The following PCLO variants were observed in gnomAD, a reference collection of about 807,000 sequenced individuals.
PCLO encodes piccolo presynaptic cytomatrix protein.
A neutral mutation model predicts 427.5 loss-of-function variants in PCLO; 82 were observed. That is an observed-to-expected ratio of 0.19 (90% CI 0.16 to 0.23). PCLO has a LOEUF of 0.23. PCLO is among the 10% of genes least tolerant of loss of function. The pLI is 1.00. For synonymous variants in PCLO, 2,357 were observed against 2,155.4 expected, an observed-to-expected ratio of 1.09 and a Z score of -2.59; for missense variants, 6,239 against 6,115.9, an observed-to-expected ratio of 1.02 and a Z score of -0.67.
At position 82,916,590 on chromosome 7, in the gene PCLO, C is replaced by T. The variant is rs919590129; in HGVS notation, c.11396G>A (p.Arg3799Gln). The T allele has an allele frequency of 3.7e-6, 6 of 1,613,540 alleles. No individual in the cohort carries two copies. Among genetic ancestry groups the T allele is most frequent in the Non-Finnish European group, 5.1e-6 (6 of 1,179,760 alleles). ...EEEKEIDAKL[R>Q]YLEMGINRRK... ...CCTGTTAATTCCCATTTCCAGGTAT[C>T]GTAGCTTAGCATCAATCTCCTTTTC... The change falls in exon 7 of 25, where the codon CGA becomes CAA. Residue 3799 changes from arginine (R) to glutamine (Q), a missense_variant. Around this residue, in one of 5 missense-constraint regions of PCLO, gnomAD observed 3 missense variants for 25.1 expected, o/e 0.12. Transcript: ENST00000333891.
intron 3 of PCLO, among the ~76,000 whole-genome samples, chr7:82,983,429 T>C (rs1796191909): frequency 6.6e-6 from 1 of 150,980 alleles, no homozygotes. Context: ...TTATAGCTAA[T>C]GTTTAATTTA....
chr7:82,830,002 T>C (rs1469571933), intron 16 of PCLO, among the ~76,000 whole-genome samples: 1 of 151,918 alleles, frequency 6.6e-6, no homozygotes, highest in East Asian at 1.9e-4. Context: ...CATAAAATCA[T>C]GTGAAATAAG....
intron 4 of PCLO, among the ~76,000 whole-genome samples, chr7:82,964,566 T>G (rs1795722800): frequency 6.6e-6 from 1 of 151,890 alleles, no homozygotes; most frequent in Non-Finnish European, 1.5e-5. Flanking sequence ...ATCATAGAGA[T>G]AGTCAAAGTA....
intron 3 of PCLO, among the ~76,000 whole-genome samples, chr7:83,046,050 G>A (rs1789096654): frequency 6.6e-6 from 1 of 152,008 alleles, no homozygotes; most frequent in South Asian, 2.1e-4. Flanking sequence ...TTCTTACAGT[G>A]TCTTCACATA....
intron 6 of PCLO, among the ~76,000 whole-genome samples, chr7:82,940,337 T>A (rs998416484): frequency 6.6e-6 from 1 of 152,184 alleles, no homozygotes; most frequent in African/African-American, 2.4e-5. Context: ...CATTTATTCA[T>A]GTCGAAAGGA....
intron 2 of PCLO, among the ~76,000 whole-genome samples, chr7:83,151,068 A>T (rs563648726): frequency 6.6e-6 from 1 of 152,254 alleles, no homozygotes; most frequent in Admixed American, 6.5e-5. Context: ...CTCTCTCTAG[A>T]GCTCTAACTT....
intron 10 of PCLO, among the ~76,000 whole-genome samples, chr7:82,876,356 C>T (rs1458552192): frequency 2.0e-5 from 3 of 151,558 alleles, no homozygotes; most frequent in African/African-American, 7.3e-5. Flanking sequence ...GGTATCTCAA[C>T]CAATCTACTG....
At chr7:82,992,126 T>C (rs1005519424) in intron 3 of PCLO, among the ~76,000 whole-genome samples, 1 of 152,116 alleles carries the variant, frequency 6.6e-6, no homozygotes, top group Non-Finnish European at 1.5e-5. Context: ...AGAAATTTCT[T>C]GTTGTTTCCA....
intron 3 of PCLO, among the ~76,000 whole-genome samples, chr7:83,097,616 C>T (rs891986594): frequency 1.6e-5 from 2 of 127,672 alleles, no homozygotes; most frequent in African/African-American, 5.8e-5. Context: ...TGTTTTTTCA[C>T]GTATCATGCT....
At chr7:82,840,825 T>C (rs1792348115) in intron 14 of PCLO, among the ~76,000 whole-genome samples, 1 of 152,016 alleles carries the variant, frequency 6.6e-6, no homozygotes, top group Admixed American at 6.6e-5. Context: ...ATTTCTTATT[T>C]AGTCTAAATT....
chr7:82,985,403 A>G (rs1408743582), intron 3 of PCLO, among the ~76,000 whole-genome samples: 1 of 152,090 alleles, frequency 6.6e-6, no homozygotes, highest in African/African-American at 2.4e-5. Flanking sequence ...ATTCTGTGAC[A>G]GGCACCTGGA....
At chr7:83,010,353 C>T (rs1788047923) in intron 3 of PCLO, among the ~76,000 whole-genome samples, 2 of 151,688 alleles carry the variant, frequency 1.3e-5, no homozygotes, top group Admixed American at 6.6e-5. Flanking sequence ...TCATTCTCAA[C>T]AAAACCCTTC....
chr7:82,987,881 GA>G lies in PCLO; in HGVS notation c.3301-21395del, dbSNP rs541476850. ...TAACACAGAACAAGAGTTAAAGGGG[GA>G]AAAATAAGTAAAATGAAGGTAAAAT... On this transcript the variant is annotated intron_variant, in intron 3 of 24. Transcript: ENST00000333891. Among the ~76,000 whole-genome samples, 207 of 152,038 alleles carry G rather than the reference GA, an allele frequency of 1.4e-3. 1 individual carries two copies. The highest frequency in any genetic ancestry group is 4.6e-3 in the African/African-American group (191 of 41,508).
intron 3 of PCLO, among the ~76,000 whole-genome samples, chr7:82,992,913 A>AT (rs1796410313): frequency 6.6e-6 from 1 of 152,112 alleles, no homozygotes; most frequent in Non-Finnish European, 1.5e-5. Flanking sequence ...CTGGTAATCA[A>AT]TGCATCCATA....
Position 82,951,898 on chromosome 7 carries a change from T to C in PCLO, c.9055A>G (p.Thr3019Ala). 6.2e-7 allele frequency: 1 copy of C among 1,613,714 alleles called. No individual in the cohort carries two copies. Among genetic ancestry groups the C allele is most frequent in the South Asian group, 1.1e-5 (1 of 91,076 alleles). ...GAAGTCAGATCTACTGCTGTGTCAG[T>C]TCCTTCAGAATAATCAAAAGCATTC... ...SKNAFDYSEG[T>A]DTAVDLTSGR... Residue 3019 changes from threonine (T) to alanine (A), a missense_variant, in exon 5 of 25, where the codon ACT becomes GCT. This residue lies in a region of PCLO where 4,677 missense variants were observed against 4,468.4 expected (regional missense o/e 1.05). Transcript: ENST00000333891.
At chr7:83,053,339 G>T (rs1789299471) in intron 3 of PCLO, among the ~76,000 whole-genome samples, 1 of 151,916 alleles carries the variant, frequency 6.6e-6, no homozygotes, top group African/African-American at 2.4e-5. Context: ...GAAAAAGTTT[G>T]TTTTCCTATC....
intron 3 of PCLO, among the ~76,000 whole-genome samples, chr7:83,005,551 G>C (rs1787925239): frequency 6.6e-6 from 1 of 151,558 alleles, no homozygotes; most frequent in Non-Finnish European, 1.5e-5. Flanking sequence ...TTTTCTAAGA[G>C]AGTAAATCTT....
chr7:83,052,313 T>A (rs906431272), intron 3 of PCLO, among the ~76,000 whole-genome samples: 2 of 151,900 alleles, frequency 1.3e-5, no homozygotes, highest in Non-Finnish European at 2.9e-5. Flanking sequence ...TTTCTGTAAA[T>A]ATAAAACTGC....
Position 82,971,487 on chromosome 7 carries a change from C to T in PCLO, c.3301-5000G>A, listed in dbSNP as rs544472300. Among the ~76,000 whole-genome samples, 37 of 148,180 alleles carry T rather than the reference C, an allele frequency of 2.5e-4. No individual in the cohort carries two copies. In the South Asian group the frequency reaches 5.1e-3, roughly 20 times the overall value. ...TAAAACTGCTGGTGGTCTATTATAT[C>T]AAATTTTATATATATAATAAAATTT... is the stretch of plus-strand genomic sequence containing the variant. On this transcript the variant is annotated intron_variant, in intron 3 of 24. Coordinates refer to ENST00000333891, the MANE Select transcript of PCLO (RefSeq NM_033026.6).
Sources: gnomAD v4.1 joint callset for allele counts (sites outside exome capture counted in the v4.1 genomes callset) on GRCh38, gnomAD v4.1.1 for gene constraint, gnomAD v4.1.1 regional missense constraint, MANE v1.5 for transcripts, NCBI Gene and HGNC (gene_info 2026-07-23, HGNC 2026-07-21) for gene names.